COL22A1: variants seen among roughly 807,000 people sequenced by gnomAD.
The protein encoded by COL22A1 is collagen type XXII alpha 1 chain.
A neutral mutation model predicts 248.9 loss-of-function variants in COL22A1; 221 were observed. The ratio of observed to expected loss-of-function variants is 0.89; its 90% confidence interval spans 0.80 to 0.99. The LOEUF is 0.99. COL22A1 is among the 50% of genes least tolerant of loss of function. COL22A1 has a pLI of 0.00. For missense variants in COL22A1, 2,240 were observed against 2,179.0 expected, an observed-to-expected ratio of 1.03 and a Z score of -0.56; for synonymous variants, 891 against 793.4, an observed-to-expected ratio of 1.12 and a Z score of -2.07.
intron 1 of COL22A1, among the ~76,000 whole-genome samples, chr8:138,890,842 G>A (rs778358547): frequency 1.3e-5 from 2 of 151,186 alleles, no homozygotes; most frequent in Non-Finnish European, 2.9e-5. Flanking sequence ...GTGAAACCTC[G>A]TCTCTACAAA....
At chr8:138,890,391 G>T (rs963273174) in intron 1 of COL22A1, among the ~76,000 whole-genome samples, 15 of 152,104 alleles carry the variant, frequency 9.9e-5, no homozygotes, top group African/African-American at 3.4e-4. Flanking sequence ...GCAAGAAAAA[G>T]AAATAAAAGG....
chr8:138,895,669 C>A (rs1435830730), intron 1 of COL22A1, among the ~76,000 whole-genome samples: 3 of 152,082 alleles, frequency 2.0e-5, no homozygotes, highest in African/African-American at 7.2e-5. Context: ...CCTCAGAAAT[C>A]TATAAATAAT....
intron 37 of COL22A1, among the ~76,000 whole-genome samples, chr8:138,687,029 T>C (rs988894980): frequency 1.6e-4 from 25 of 152,218 alleles, no homozygotes; most frequent in Admixed American, 1.4e-3. Flanking sequence ...TGATCTCAGC[T>C]CAAGGCAACC....
chr8:138,780,556 G>C lies in COL22A1; in HGVS notation c.1650+371C>G, dbSNP rs192119713. On this transcript the variant is annotated intron_variant, in intron 13 of 64. Coordinates refer to ENST00000303045, the MANE Select transcript of COL22A1 (RefSeq NM_152888.3). ...AAGCTGGCTTGCCACATAGGGTGTG[G>C]GGTGTTGCTTGGGTCTCACTCTGAC... 2.6e-3 allele frequency among the ~76,000 whole-genome samples: 403 copies of C among 152,258 alleles called. 3 individuals are homozygous for C. Among genetic ancestry groups the C allele is most frequent in the African/African-American group, 9.1e-3 (380 of 41,542 alleles).
At chr8:138,591,802 C>A (rs1247783423) in intron 63 of COL22A1, among the ~76,000 whole-genome samples, 1 of 152,124 alleles carries the variant, frequency 6.6e-6, no homozygotes, top group Non-Finnish European at 1.5e-5. Flanking sequence ...ACGTATCTAC[C>A]CAATTCCATA....
chr8:138,868,134 A>G (rs1823044492), intron 3 of COL22A1, among the ~76,000 whole-genome samples: 1 of 152,182 alleles, frequency 6.6e-6, no homozygotes. Flanking sequence ...GAAAGCCTGG[A>G]TTTCACTGAT....
chr8:138,898,888 A>G lies in COL22A1; in HGVS notation c.-73+14731T>C, dbSNP rs1814326216. 2.6e-5 allele frequency among the ~76,000 whole-genome samples: 4 copies of G among 152,118 alleles called. No homozygotes were observed. In the South Asian group the frequency reaches 8.3e-4, roughly 32 times the overall value. On this transcript the variant is annotated intron_variant, in intron 1 of 64. Transcript: ENST00000303045. ...TCCTTGCTCTCTTGTTTCCCTCTAC[A>G]CTAAATTCCCTATGAGGAAGCAGCA...
At chr8:138,824,563 C>A (rs1011137341) in intron 6 of COL22A1, among the ~76,000 whole-genome samples, 2 of 152,184 alleles carry the variant, frequency 1.3e-5, no homozygotes, top group Non-Finnish European at 2.9e-5. Flanking sequence ...TTATTGAAAC[C>A]CAGCCTCAGT....
intron 47 of COL22A1, among the ~76,000 whole-genome samples, chr8:138,643,038 A>C (rs1213204505): frequency 2.6e-5 from 4 of 151,946 alleles, no homozygotes; most frequent in African/African-American, 9.7e-5. Flanking sequence ...TAAAAAAAAA[A>C]AAAAAAAGGC....
chr8:138,764,691 G>T (rs538110150), intron 16 of COL22A1, among the ~76,000 whole-genome samples: 1 of 152,324 alleles, frequency 6.6e-6, no homozygotes, highest in African/African-American at 2.4e-5. Context: ...TTTCCCAGTG[G>T]CTCATGCCTG....
At chr8:138,693,506 C>T in intron 35 of COL22A1, 140 bp downstream of exon 35, 1 of 813,828 alleles carries the variant, frequency 1.2e-6, no homozygotes, top group Non-Finnish European at 2.0e-6. Flanking sequence ...TGACTCCCAC[C>T]AACCACTCAA....
intron 7 of COL22A1, among the ~76,000 whole-genome samples, chr8:138,819,375 G>T (rs1226313250): frequency 4.0e-5 from 6 of 151,866 alleles, no homozygotes; most frequent in Non-Finnish European, 8.8e-5. Flanking sequence ...CAAAGGATAT[G>T]GCCTAGCATC....
chr8:138,790,192 G>T (rs1006984240), intron 12 of COL22A1, among the ~76,000 whole-genome samples: 12 of 152,176 alleles, frequency 7.9e-5, no homozygotes, highest in African/African-American at 2.9e-4. Context: ...TTGGTGTCAG[G>T]TGAAGGCCTG....
intron 16 of COL22A1, among the ~76,000 whole-genome samples, chr8:138,763,359 C>T (rs1833658651): frequency 1.3e-5 from 2 of 151,382 alleles, no homozygotes; most frequent in South Asian, 4.2e-4. Flanking sequence ...TGCTCTCCAG[C>T]CCGGGCGACA....
chr8:138,868,025 A>C lies in COL22A1; in HGVS notation c.658+9725T>G, dbSNP rs370245827. 1.3e-4 allele frequency among the ~76,000 whole-genome samples: 20 copies of C among 152,296 alleles called. No individual in the cohort carries two copies. The East Asian group carries it at 3.7e-3, about 28-fold the overall frequency. ...TGATCTGCCCACCTTAGCCTCCCAAAGTGCTGGGATTACAGGCATGAGCCA... is the reference window on the plus strand; with the variant it reads ...TGATCTGCCCACCTTAGCCTCCCAACGTGCTGGGATTACAGGCATGAGCCA... On this transcript the variant is annotated intron_variant, in intron 3 of 64. Transcript: ENST00000303045.
chr8:138,895,979 A>G (rs1159242935), intron 1 of COL22A1, among the ~76,000 whole-genome samples: 1 of 152,198 alleles, frequency 6.6e-6, no homozygotes, highest in Non-Finnish European at 1.5e-5. Flanking sequence ...AAACCAAGAA[A>G]CCAGGGGGAA....
At chr8:138,905,071 A>G (rs1269685471) in intron 1 of COL22A1, among the ~76,000 whole-genome samples, 2 of 152,240 alleles carry the variant, frequency 1.3e-5, no homozygotes, top group African/African-American at 4.8e-5. Context: ...AATACATATC[A>G]ACAGATAGAT....
chr8:138,607,884 C>T (rs1439429371), intron 57 of COL22A1, 52 bp downstream of exon 57: 3 of 1,525,832 alleles, frequency 2.0e-6, no homozygotes. Flanking sequence ...GATCCACAAG[C>T]CCTTTCAAAG....
rs199691287 is a variant in COL22A1, at chr8:138,774,434, T to C, written c.1803+1532A>G. ...AGCATTCTTTTTTTTTTTTTTTTTT[T>C]CTGAGACGGAGTCTTGCTCTGTCGC... On this transcript the variant is annotated intron_variant, in intron 16 of 64. Transcript: ENST00000303045. 9.2e-4 allele frequency among the ~76,000 whole-genome samples: 136 copies of C among 147,204 alleles called. 2 individuals are homozygous for C. The East Asian group carries it at 0.025, about 27-fold the overall frequency.
Sources: gnomAD v4.1 joint callset for allele counts (sites outside exome capture counted in the v4.1 genomes callset) on GRCh38, gnomAD v4.1.1 for gene constraint, MANE v1.5 for transcripts, NCBI Gene and HGNC (gene_info 2026-07-23, HGNC 2026-07-21) for gene names.